SGCZ: variants seen among roughly 807,000 people sequenced by gnomAD.
The protein encoded by SGCZ is zeta-sarcoglycan.
In SGCZ, 40 loss-of-function variants were observed where a neutral mutation model predicts 41.3. The ratio of observed to expected loss-of-function variants is 0.97; its 90% CI spans 0.75 to 1.26. The LOEUF (loss-of-function observed/expected upper bound fraction) is 1.26, where lower values mean the gene tolerates loss of function less well. Ranked by LOEUF, SGCZ falls within the 50% of genes most tolerant of loss-of-function variation. The pLI, the probability that SGCZ is intolerant of heterozygous loss-of-function variation, is 0.00. For missense variants in SGCZ, 552 were observed against 369.8 expected (o/e 1.49, Z -4.04); for synonymous variants, 206 against 137.5 (o/e 1.50, Z -3.49).
intron 1 of SGCZ, among the ~76,000 whole-genome samples, chr8:15,132,527 A>G (rs1321554011): frequency 6.6e-6 from 1 of 152,206 alleles, no homozygotes; most frequent in Non-Finnish European, 1.5e-5. Flanking sequence ...ATATGAAATC[A>G]GATTTTTAAA....
chr8:14,781,157 C>CT (rs1800576219), intron 1 of SGCZ, among the ~76,000 whole-genome samples: 1 of 152,274 alleles, frequency 6.6e-6, no homozygotes, highest in African/African-American at 2.4e-5. Context: ...TTTACTGCCT[C>CT]TTTTTTCTAA....
chr8:14,841,091 G>T (rs1028224917), intron 1 of SGCZ, among the ~76,000 whole-genome samples: 2 of 150,794 alleles, frequency 1.3e-5, no homozygotes, highest in Non-Finnish European at 1.5e-5. Context: ...CTAACACTAA[G>T]AATAAGCATT....
In SGCZ at chr8:15,202,971, A is replaced by T. The variant is rs181994923; in HGVS notation, c.39+34614T>A. On this transcript the variant is annotated intron_variant, in intron 1 of 7. Coordinates refer to ENST00000382080, the MANE Select transcript of SGCZ (RefSeq NM_139167.4). ...ACAAAAATCCAAAAATTTTCCTGGC[A>T]TTATGGTGGGTGCTTGTAATTCCAG... Among the ~76,000 whole-genome samples, 408 of 152,090 alleles carry T rather than the reference A, an allele frequency of 2.7e-3. 3 individuals carry two copies. Among genetic ancestry groups the T allele is most frequent in the African/African-American group, 9.3e-3 (385 of 41,494 alleles).
chr8:15,003,613 G>A (rs747522358), intron 1 of SGCZ, among the ~76,000 whole-genome samples: 34 of 152,282 alleles, frequency 2.2e-4, no homozygotes, highest in Middle Eastern at 3.4e-3. Context: ...CAAATAGCAC[G>A]TCAAATAGAA....
At chr8:15,064,644 G>A (rs577704914) in intron 1 of SGCZ, among the ~76,000 whole-genome samples, 1 of 151,942 alleles carries the variant, frequency 6.6e-6, no homozygotes, top group African/African-American at 2.4e-5. Context: ...TCAAGATGCT[G>A]GACCTCTCAT....
intron 1 of SGCZ, among the ~76,000 whole-genome samples, chr8:15,116,795 G>C (rs983833495): frequency 6.6e-6 from 1 of 152,144 alleles, no homozygotes; most frequent in African/African-American, 2.4e-5. Context: ...AAGTCATTGT[G>C]TGGTAGTTTC....
chr8:15,199,917 G>C (rs1049364047), intron 1 of SGCZ, among the ~76,000 whole-genome samples: 1 of 152,120 alleles, frequency 6.6e-6, no homozygotes, highest in African/African-American at 2.4e-5. Context: ...ACAACATCAT[G>C]AAAATGTAAG....
intron 1 of SGCZ, among the ~76,000 whole-genome samples, chr8:15,134,479 C>T (rs928747028): frequency 1.3e-5 from 2 of 151,902 alleles, no homozygotes; most frequent in Non-Finnish European, 2.9e-5. Flanking sequence ...GAACAATGAG[C>T]GGTATACTCA....
At chr8:14,143,230 G>A (rs1009662549) in intron 5 of SGCZ, among the ~76,000 whole-genome samples, 2 of 152,020 alleles carry the variant, frequency 1.3e-5, no homozygotes, top group African/African-American at 2.4e-5. Context: ...ATGAAAGACT[G>A]GATGAGTTCT....
chr8:14,649,093 G>C (rs773233594), intron 1 of SGCZ, among the ~76,000 whole-genome samples: 1 of 152,132 alleles, frequency 6.6e-6, no homozygotes, highest in Non-Finnish European at 1.5e-5. Flanking sequence ...GTTTTCAAAA[G>C]CGTCTTCTCT....
intron 2 of SGCZ, among the ~76,000 whole-genome samples, chr8:14,411,566 T>G (rs1799361272): frequency 6.6e-6 from 1 of 152,060 alleles, no homozygotes; most frequent in African/African-American, 2.4e-5. Context: ...AATATATACT[T>G]CCAAAGTACC....
intron 1 of SGCZ, among the ~76,000 whole-genome samples, chr8:15,177,402 G>T (rs1800032506): frequency 6.6e-6 from 1 of 152,312 alleles, no homozygotes; most frequent in East Asian, 1.9e-4. Flanking sequence ...TACCTCAATG[G>T]ATATGGCATG....
intron 1 of SGCZ, among the ~76,000 whole-genome samples, chr8:14,955,228 T>C (rs1800755619): frequency 6.6e-6 from 1 of 152,238 alleles, no homozygotes; most frequent in Admixed American, 6.5e-5. Context: ...TGTCACTTGC[T>C]TCTTTTCTTC....
At chr8:14,698,541 G>A (rs1263386661) in intron 1 of SGCZ, among the ~76,000 whole-genome samples, 1 of 151,802 alleles carries the variant, frequency 6.6e-6, no homozygotes, top group Admixed American at 6.6e-5. Flanking sequence ...TAGAAATTTA[G>A]CATGAGACAA....
At chr8:14,572,877 G>C (rs1804597041) in intron 1 of SGCZ, among the ~76,000 whole-genome samples, 1 of 152,130 alleles carries the variant, frequency 6.6e-6, no homozygotes, top group Non-Finnish European at 1.5e-5. Flanking sequence ...AGTTACTGTT[G>C]ATGTTTCTGT....
intron 1 of SGCZ, among the ~76,000 whole-genome samples, chr8:14,571,766 C>T (rs951484391): frequency 5.3e-5 from 8 of 151,982 alleles, no homozygotes; most frequent in Non-Finnish European, 8.8e-5. Context: ...AACTTAAAAT[C>T]GAGAAACAGC....
chr8:14,666,637 C>T (rs572019758), intron 1 of SGCZ, among the ~76,000 whole-genome samples: 2 of 145,858 alleles, frequency 1.4e-5, no homozygotes, highest in East Asian at 2.0e-4. Context: ...GTTATTTTCT[C>T]AGTACCCTAA....
At chr8:14,249,773 A>T (rs1585279226) in intron 3 of SGCZ, among the ~76,000 whole-genome samples, 1 of 152,144 alleles carries the variant, frequency 6.6e-6, no homozygotes, top group East Asian at 1.9e-4. Flanking sequence ...TTACTTTTTC[A>T]AATGACTGGA....
At chr8:14,983,034 T>C (rs1190215666) in intron 1 of SGCZ, among the ~76,000 whole-genome samples, 1 of 152,216 alleles carries the variant, frequency 6.6e-6, no homozygotes, top group African/African-American at 2.4e-5. Context: ...TTTCCTCATC[T>C]ATAAAAACTG....
Sources: allele counts gnomAD v4.1 joint callset (sites outside exome capture counted in the v4.1 genomes callset), GRCh38; gene constraint gnomAD v4.1.1; transcripts MANE v1.5; gene names NCBI Gene and HGNC (gene_info 2026-07-23, HGNC 2026-07-21).